The following TMEM108 variants were observed in gnomAD, a reference collection of about 807,000 sequenced individuals.
The protein encoded by TMEM108 is transmembrane protein 108, also known as cancer/testis antigen 124.
In TMEM108, 12 loss-of-function variants were observed where a neutral mutation model predicts 35.1. That is an observed-to-expected ratio of 0.34 (90% CI 0.22 to 0.55). The LOEUF (loss-of-function observed/expected upper bound fraction) is 0.55, where lower values mean the gene tolerates loss of function less well. Among genes scored for constraint, TMEM108 ranks in the 20% least tolerant of loss-of-function variants. TMEM108 has a pLI of 0.89. For missense variants in TMEM108, 680 were observed against 753.3 expected (o/e 0.90, Z 1.14); for synonymous variants, 287 against 308.6 (o/e 0.93, Z 0.73).
chr3:133,223,581 A>T (rs1367901731), intron 2 of TMEM108, among the ~76,000 whole-genome samples: 1 of 152,172 alleles, frequency 6.6e-6, no homozygotes, highest in East Asian at 1.9e-4. Context: ...GATGTGATTA[A>T]TATTTTCTAT....
At chr3:133,052,814 G>A (rs1943422955) in intron 2 of TMEM108, among the ~76,000 whole-genome samples, 1 of 152,040 alleles carries the variant, frequency 6.6e-6, no homozygotes, top group Admixed American at 6.6e-5. Context: ...GGATGTTTGG[G>A]CTCTCTGGTC....
At chr3:133,374,436 TAA>T (rs2072770845) in intron 3 of TMEM108, among the ~76,000 whole-genome samples, 1 of 152,082 alleles carries the variant, frequency 6.6e-6, no homozygotes, top group Non-Finnish European at 1.5e-5. Context: ...GAAAAAAAGA[TAA>T]AATTCTATTT....
At chr3:133,101,127 C>A (rs545513912) in intron 2 of TMEM108, among the ~76,000 whole-genome samples, 3 of 152,080 alleles carry the variant, frequency 2.0e-5, no homozygotes, top group African/African-American at 7.2e-5. Flanking sequence ...ATGAAAAGAG[C>A]CTTGTATGTA....
At chr3:133,113,747 G>T (rs1036837023) in intron 2 of TMEM108, among the ~76,000 whole-genome samples, 1 of 152,110 alleles carries the variant, frequency 6.6e-6, no homozygotes, top group Non-Finnish European at 1.5e-5. Flanking sequence ...TCTCACTGAT[G>T]ATTTTCCTTG....
Position 133,380,964 on chromosome 3 carries a change from T to C in TMEM108, c.1253T>C (p.Leu418Pro). The change falls in exon 4 of 6, where the codon CTC (leucine) becomes CCC (proline). Residue 418 changes from leucine (L) to proline (P), a missense_variant. Leu to Pro is a moderately conservative substitution (Grantham distance 98). Coordinates refer to ENST00000321871, the MANE Select transcript of TMEM108 (RefSeq NM_023943.4). The surrounding 1 kb of genome is among the most constrained non-coding windows in gnomAD (Gnocchi z 5.3). The part of the protein sequence containing the change: ...LTMTDRVPSP[L>P]STVVSTATGN... ...ATGACCGACCGGGTGCCCAGTCCTC[T>C]CTCCACAGTGGTATCCACAGCCACA... 2 of 1,614,096 alleles carry C rather than the reference T, an allele frequency of 1.2e-6. No homozygotes were observed. Among genetic ancestry groups the C allele is most frequent in the South Asian group, 1.1e-5 (1 of 91,074 alleles).
intron 3 of TMEM108, among the ~76,000 whole-genome samples, chr3:133,309,470 A>G (rs888652027): frequency 2.9e-4 from 44 of 152,002 alleles, no homozygotes; most frequent in Admixed American, 2.2e-3. Flanking sequence ...TCAATTTTAG[A>G]TCTTTCCTGC....
chr3:133,219,437 GTTTA>G (rs149280692), intron 2 of TMEM108, among the ~76,000 whole-genome samples: 18,262 of 151,818 alleles, frequency 0.12, 1,471 homozygotes, highest in East Asian at 0.38. Flanking sequence ...TATGATGTTA[GTTTA>G]TTTATTTGAA....
At chr3:133,275,854 T>C (rs1466035141) in intron 3 of TMEM108, among the ~76,000 whole-genome samples, 1 of 152,204 alleles carries the variant, frequency 6.6e-6, no homozygotes, top group Non-Finnish European at 1.5e-5. Flanking sequence ...CCTTTTGAAA[T>C]TGCAGATAAA....
At chr3:133,172,420 T>C (rs755906843) in intron 2 of TMEM108, among the ~76,000 whole-genome samples, 2 of 152,224 alleles carry the variant, frequency 1.3e-5, no homozygotes, top group Non-Finnish European at 2.9e-5. Flanking sequence ...AATTTGACAA[T>C]AATGACATGG....
At chr3:133,097,814 G>A (rs1944035235) in intron 2 of TMEM108, among the ~76,000 whole-genome samples, 1 of 152,138 alleles carries the variant, frequency 6.6e-6, no homozygotes, top group Non-Finnish European at 1.5e-5. Context: ...CTGTCTATGT[G>A]GATCCTGCAA....
At chr3:133,071,245 T>A (rs1344823005) in intron 2 of TMEM108, among the ~76,000 whole-genome samples, 2 of 152,124 alleles carry the variant, frequency 1.3e-5, no homozygotes, top group Admixed American at 1.3e-4. Context: ...TTGTTATGAT[T>A]CTAAAGGCCA....
At chr3:133,061,726 T>C (rs1034042884) in intron 2 of TMEM108, among the ~76,000 whole-genome samples, 13 of 152,180 alleles carry the variant, frequency 8.5e-5, no homozygotes, top group African/African-American at 3.1e-4. Context: ...GAATTTAAAG[T>C]TTAGAATAAT....
intron 2 of TMEM108, among the ~76,000 whole-genome samples, chr3:133,145,895 A>G (rs185774481): frequency 2.6e-5 from 4 of 152,324 alleles, no homozygotes; most frequent in Admixed American, 6.5e-5. Context: ...TAAATAGACA[A>G]TCATGTCATC....
chr3:133,088,767 G>A (rs1943913101), intron 2 of TMEM108, among the ~76,000 whole-genome samples: 1 of 152,142 alleles, frequency 6.6e-6, no homozygotes, highest in Non-Finnish European at 1.5e-5. Flanking sequence ...TGACAGCCTT[G>A]GCATTGTTGT....
intron 2 of TMEM108, among the ~76,000 whole-genome samples, chr3:133,072,974 A>G (rs1943694116): frequency 6.6e-6 from 1 of 152,108 alleles, no homozygotes; most frequent in Non-Finnish European, 1.5e-5. Flanking sequence ...ATGTTGTAGC[A>G]TGTCTTGGTA....
chr3:133,158,842 C>G (rs936318523), intron 2 of TMEM108, among the ~76,000 whole-genome samples: 18 of 152,220 alleles, frequency 1.2e-4, no homozygotes, highest in African/African-American at 4.1e-4. Flanking sequence ...GTTACTGTCT[C>G]CTTTGGCCTT....
intron 2 of TMEM108, among the ~76,000 whole-genome samples, chr3:133,085,980 A>G (rs1466769361): frequency 6.6e-6 from 1 of 152,146 alleles, no homozygotes; most frequent in East Asian, 1.9e-4. Context: ...CACTAATTTC[A>G]TCTTTTCTCT....
intron 3 of TMEM108, among the ~76,000 whole-genome samples, chr3:133,279,774 A>G (rs16840174): frequency 0.015 from 2,279 of 152,290 alleles, 68 homozygotes; most frequent in African/African-American, 0.052. Context: ...TTTCCTGTTA[A>G]GCACTTACAG....
chr3:133,208,928 T>C (rs947297620), intron 2 of TMEM108, among the ~76,000 whole-genome samples: 1 of 152,216 alleles, frequency 6.6e-6, no homozygotes, highest in African/African-American at 2.4e-5. Context: ...AAATAGGGCA[T>C]GATTCTGGTA....
Sources: gnomAD v4.1 joint callset for allele counts (sites outside exome capture counted in the v4.1 genomes callset) on GRCh38, gnomAD v4.1.1 for gene constraint, Gnocchi (gnomAD v3.1) non-coding constraint, MANE v1.5 for transcripts, NCBI Gene and HGNC (gene_info 2026-07-23, HGNC 2026-07-21) for gene names.